Variants in CSMD1 observed in about 807,000 individuals in gnomAD.
CSMD1 encodes the protein CUB and sushi domain-containing protein 1.
CSMD1 carries 213 observed loss-of-function variants against 417.5 expected under a neutral mutation model. The observed-to-expected ratio is 0.51, with a 90% CI of 0.46 to 0.57. The LOEUF (loss-of-function observed/expected upper bound fraction) is 0.57, where lower values mean the gene tolerates loss of function less well. Among genes scored for constraint, CSMD1 ranks in the 20% least tolerant of loss-of-function variants. The pLI is 0.00. For missense variants in CSMD1, 6,923 were observed against 4,529.7 expected (o/e 1.53, Z -15.17); for synonymous variants, 2,862 against 1,736.8 (o/e 1.65, Z -16.11).
intron 1 of CSMD1, among the ~76,000 whole-genome samples, chr8:4,926,014 A>G (rs1563784292): frequency 6.6e-6 from 1 of 152,214 alleles, no homozygotes; most frequent in Non-Finnish European, 1.5e-5. Flanking sequence ...TTTAATGACT[A>G]CAAAAGTGAG....
chr8:4,298,434 G>T (rs1240615247), intron 3 of CSMD1, among the ~76,000 whole-genome samples: 2 of 152,054 alleles, frequency 1.3e-5, no homozygotes, highest in African/African-American at 2.4e-5. Flanking sequence ...ATACAAAGTT[G>T]TGAATAATTC....
intron 30 of CSMD1, among the ~76,000 whole-genome samples, chr8:3,210,046 G>T (rs896818450): frequency 6.6e-6 from 1 of 152,080 alleles, no homozygotes; most frequent in Non-Finnish European, 1.5e-5. Flanking sequence ...ATTACCCCAC[G>T]CATCTAAAAC....
At chr8:4,642,314 A>G (rs542433065) in intron 1 of CSMD1, among the ~76,000 whole-genome samples, 37 of 152,278 alleles carry the variant, frequency 2.4e-4, no homozygotes, top group African/African-American at 8.9e-4. Flanking sequence ...CTGTCTCAGA[A>G]ACACCCAGCT....
chr8:3,308,569 G>T (rs1042386999), intron 23 of CSMD1, 66 bp from the exon 24 acceptor site: 1 of 1,320,426 alleles, frequency 7.6e-7, no homozygotes, highest in East Asian at 2.4e-5. Context: ...AAACAGAGAT[G>T]AAACAAACAA....
chr8:4,320,373 T>A lies in CSMD1; in HGVS notation c.415+99580A>T, dbSNP rs767152279. On this transcript the variant is annotated intron_variant, in intron 3 of 69. Transcript: ENST00000635120. ...ACAAATAAACCTTTTTTATTATTAT[T>A]ATACTTTAAGTTGTGAGGGTACATG... Among the ~76,000 whole-genome samples, 249 of 152,258 alleles carry A rather than the reference T, an allele frequency of 1.6e-3. 1 individual carries two copies. The highest frequency in any genetic ancestry group is 6.8e-3 in the Middle Eastern group (2 of 294).
chr8:4,560,879 G>A (rs1389342181), intron 2 of CSMD1, among the ~76,000 whole-genome samples: 1 of 152,074 alleles, frequency 6.6e-6, no homozygotes, highest in Non-Finnish European at 1.5e-5. Flanking sequence ...TCCCACAGTG[G>A]TGTCTCTTCC....
intron 23 of CSMD1, among the ~76,000 whole-genome samples, chr8:3,331,343 A>G (rs1197536596): frequency 6.6e-6 from 1 of 152,182 alleles, no homozygotes; most frequent in Non-Finnish European, 1.5e-5. Context: ...AACCAGAGGC[A>G]CTGATCAAAA....
At chr8:3,452,406 G>A (rs1383835872) in intron 12 of CSMD1, among the ~76,000 whole-genome samples, 2 of 152,162 alleles carry the variant, frequency 1.3e-5, no homozygotes, top group Non-Finnish European at 2.9e-5. Flanking sequence ...GTTTTGAAAG[G>A]GAATGCTTCC....
intron 1 of CSMD1, among the ~76,000 whole-genome samples, chr8:4,657,885 A>G (rs1395814157): frequency 6.6e-6 from 1 of 152,056 alleles, no homozygotes; most frequent in Non-Finnish European, 1.5e-5. Flanking sequence ...ATGTCACTAC[A>G]GATATAGAAG....
At chr8:3,467,706 G>C (rs953171084) in intron 12 of CSMD1, among the ~76,000 whole-genome samples, 55 of 152,174 alleles carry the variant, frequency 3.6e-4, no homozygotes, top group African/African-American at 1.3e-3. Context: ...CACACAGAGA[G>C]AGAGAGCAGC....
At chr8:4,305,947 C>A (rs771980638) in intron 3 of CSMD1, among the ~76,000 whole-genome samples, 1 of 152,092 alleles carries the variant, frequency 6.6e-6, no homozygotes, top group Non-Finnish European at 1.5e-5. Flanking sequence ...AACTGTATTG[C>A]AGGGTAACTT....
intron 50 of CSMD1, among the ~76,000 whole-genome samples, chr8:3,049,261 T>C (rs1006747819): frequency 6.6e-6 from 1 of 152,166 alleles, no homozygotes; most frequent in African/African-American, 2.4e-5. Context: ...AAAACTTATG[T>C]CTGTATAAAA....
chr8:4,015,355 G>C lies in CSMD1; in HGVS notation c.610+16550C>G, dbSNP rs189333089. Among the ~76,000 whole-genome samples the C allele has an allele frequency of 5.5e-4, 84 of 152,200 alleles. No individual in the cohort carries two copies. In the East Asian group the frequency reaches 0.012, roughly 21 times the overall value. On this transcript the variant is annotated intron_variant, in intron 4 of 69. Transcript: ENST00000635120. ...CTCCCCTCTGGCTATGTCGTTCCTA[G>C]TTTTCCTGCCTTTTCATCTCTAGTA... is the stretch of plus-strand genomic sequence containing the variant.
At chr8:3,099,355 C>T (rs913182411) in intron 46 of CSMD1, among the ~76,000 whole-genome samples, 1 of 152,132 alleles carries the variant, frequency 6.6e-6, no homozygotes, top group Admixed American at 6.5e-5. Flanking sequence ...CCCTCTCCCC[C>T]ATATAAACCC....
rs184490571 is a variant in CSMD1, at chr8:4,345,538, G to A, written c.415+74415C>T. On this transcript the variant is annotated intron_variant, in intron 3 of 69. Transcript: ENST00000635120. ...TGAAGAGACAACATGCAGAATGGGGGAAATATATGCAAATCACTCATCGGA... is the reference window on the plus strand; with the variant it reads ...TGAAGAGACAACATGCAGAATGGGGAAAATATATGCAAATCACTCATCGGA... Among the ~76,000 whole-genome samples, 340 of 152,070 alleles carry A rather than the reference G, an allele frequency of 2.2e-3. 3 individuals are homozygous for A. Among genetic ancestry groups the A allele is most frequent in the Middle Eastern group, 6.8e-3 (2 of 294 alleles).
chr8:4,911,827 T>G (rs987620852), intron 1 of CSMD1, among the ~76,000 whole-genome samples: 1 of 152,046 alleles, frequency 6.6e-6, no homozygotes, highest in African/African-American at 2.4e-5. Context: ...AACTTCACGG[T>G]GTTTTCTCAT....
intron 67 of CSMD1, 66 bp from the exon 68 acceptor site, chr8:2,949,452 T>C (rs1802475711): frequency 1.1e-5 from 8 of 760,200 alleles, no homozygotes; most frequent in East Asian, 2.7e-5. Flanking sequence ...ATATCCTCTT[T>C]TAATATATCT....
In CSMD1 at chr8:4,813,311, G is replaced by A. The variant is rs549427218; in HGVS notation, c.86-175753C>T. Among the ~76,000 whole-genome samples the A allele has an allele frequency of 2.9e-4, 44 of 152,118 alleles. No homozygotes were observed. In the South Asian group the frequency reaches 8.5e-3, roughly 29 times the overall value. The stretch of plus-strand genomic sequence containing the variant: ...ACAAATCACTCCCCCCACAGAGCCG[G>A]GGCTGTGATGAGAAATAAAATTTGC... On this transcript the variant is annotated intron_variant, in intron 1 of 69. Transcript: ENST00000635120.
In CSMD1 at chr8:4,417,344, G is replaced by C. The variant is rs571945990; in HGVS notation, c.415+2609C>G. Among the ~76,000 whole-genome samples, 184 of 152,002 alleles carry C rather than the reference G, an allele frequency of 1.2e-3. 2 individuals carry two copies. Among genetic ancestry groups the C allele is most frequent in the African/African-American group, 4.3e-3 (180 of 41,526 alleles). ...TTATGTAAATAAAGCCTATTCCAAA[G>C]TACTGCCAGACAACAGTTGAGTTTG... On this transcript the variant is annotated intron_variant, in intron 3 of 69. Coordinates refer to ENST00000635120, the MANE Select transcript of CSMD1 (RefSeq NM_033225.6).
Sources: allele counts gnomAD v4.1 joint callset (sites outside exome capture counted in the v4.1 genomes callset), GRCh38; gene constraint gnomAD v4.1.1; transcripts MANE v1.5; gene names NCBI Gene and HGNC (gene_info 2026-07-23, HGNC 2026-07-21).